The following CELF2 variants were observed in gnomAD, a reference collection of about 807,000 sequenced individuals.
The protein encoded by CELF2 is CUG triplet repeat RNA-binding protein 2.
CELF2 carries 8 observed loss-of-function variants against 62.6 expected under a neutral mutation model. That is an observed-to-expected ratio of 0.13 (90% CI 0.07 to 0.23). CELF2 has a LOEUF of 0.23. CELF2 is among the 10% of genes least tolerant of loss of function. The pLI is 1.00. For synonymous variants in CELF2, 258 were observed against 250.0 expected, an observed-to-expected ratio of 1.03 and a Z score of -0.30; for missense variants, 333 against 671.0, an observed-to-expected ratio of 0.50 and a Z score of 5.56.
At chr10:10,979,443 G>C (rs1387041242) in intron 2 of CELF2, among the ~76,000 whole-genome samples, 4 of 152,164 alleles carry the variant, frequency 2.6e-5, no homozygotes, top group African/African-American at 9.7e-5. Flanking sequence ...GGCCTAGGCC[G>C]GTGGATGGCT....
At chr10:10,591,727 A>T in the CELF2 span, among the ~76,000 whole-genome samples, 1 of 152,212 alleles carries the variant, frequency 6.6e-6, no homozygotes, top group Non-Finnish European at 1.5e-5. Flanking sequence ...ATGAATGGGA[A>T]TCTGTGGCAA....
chr10:10,670,589 T>C, the CELF2 span, among the ~76,000 whole-genome samples: 2 of 152,178 alleles, frequency 1.3e-5, no homozygotes, highest in Non-Finnish European at 2.9e-5. Context: ...TGAACCTAGA[T>C]TGACACATCA....
the CELF2 span, among the ~76,000 whole-genome samples, chr10:10,472,802 T>C: frequency 4.6e-5 from 7 of 152,160 alleles, no homozygotes; most frequent in South Asian, 1.0e-3. Context: ...TCTGTTCATA[T>C]AGCTCACAAA....
intron 1 of CELF2, among the ~76,000 whole-genome samples, chr10:11,066,325 T>TG (rs1389874957): frequency 6.6e-6 from 1 of 152,122 alleles, no homozygotes; most frequent in Non-Finnish European, 1.5e-5. Context: ...AGCTCATACT[T>TG]GCTATGGTGG....
At chr10:11,045,615 T>C (rs1381157436) in intron 1 of CELF2, among the ~76,000 whole-genome samples, 1 of 152,230 alleles carries the variant, frequency 6.6e-6, no homozygotes, top group East Asian at 1.9e-4. Flanking sequence ...CCATGTGTGA[T>C]GAAATATTCT....
At position 11,329,091 on chromosome 10, in the gene CELF2, T is replaced by C. The variant is rs780897723; in HGVS notation, c.*38T>C. The C allele has an allele frequency of 1.9e-6, 3 of 1,578,820 alleles. No homozygotes were observed. The highest frequency in any genetic ancestry group is 2.3e-5 in the South Asian group (2 of 88,336). ...AGGCTCCCTGCTCTCATTTTAGCTT[T>C]CTTAGGGTAAGTCCCACGAGCCAGC... On this transcript the variant is annotated 3_prime_UTR_variant, in exon 13 of 13. Transcript: ENST00000633077. The surrounding 1 kb of genome is among the most constrained non-coding windows in gnomAD (Gnocchi z 5.5).
At chr10:11,209,347 A>G (rs913725611) in intron 2 of CELF2, among the ~76,000 whole-genome samples, 2 of 151,456 alleles carry the variant, frequency 1.3e-5, no homozygotes, top group Non-Finnish European at 2.9e-5. Context: ...ACGGGCCCAG[A>G]GTCGGTCATA....
chr10:10,605,914 G>A, the CELF2 span, among the ~76,000 whole-genome samples: 2 of 152,192 alleles, frequency 1.3e-5, no homozygotes, highest in South Asian at 2.1e-4. Flanking sequence ...CTGTAATCAC[G>A]AGCCAAGAAG....
At chr10:10,691,121 G>A in the CELF2 span, among the ~76,000 whole-genome samples, 3 of 151,744 alleles carry the variant, frequency 2.0e-5, no homozygotes, top group Non-Finnish European at 4.4e-5. Context: ...TCGTCATCTA[G>A]CATTAGGTAT....
At chr10:10,950,467 G>T (rs912723421) in intron 2 of CELF2, among the ~76,000 whole-genome samples, 7 of 152,210 alleles carry the variant, frequency 4.6e-5, no homozygotes, top group South Asian at 2.1e-4. Flanking sequence ...GCAGGAGGAA[G>T]TGATACCGTT....
chr10:10,949,353 T>G (rs1198592193), intron 2 of CELF2, among the ~76,000 whole-genome samples: 1 of 152,126 alleles, frequency 6.6e-6, no homozygotes, highest in Non-Finnish European at 1.5e-5. Flanking sequence ...GCTGTGCCTC[T>G]AGTGATCTCC....
chr10:10,779,124 G>C, the CELF2 span, among the ~76,000 whole-genome samples: 8 of 152,166 alleles, frequency 5.3e-5, no homozygotes, highest in Non-Finnish European at 1.0e-4. Flanking sequence ...TCCTTATACT[G>C]TATCATCTCT....
chr10:10,996,625 G>T (rs1227653907), intron 2 of CELF2, among the ~76,000 whole-genome samples: 5 of 152,166 alleles, frequency 3.3e-5, no homozygotes, highest in Non-Finnish European at 5.9e-5. Flanking sequence ...TCATAACTTT[G>T]TATGTATATA....
rs1438378448 is a variant in CELF2 at position 10,997,934 on chromosome 10, C to T, written c.89+77935C>T. Among the ~76,000 whole-genome samples, 1 of 152,064 alleles carries T rather than the reference C, an allele frequency of 6.6e-6. No individual in the cohort carries two copies. The highest frequency in any genetic ancestry group is 2.4e-5 in the African/African-American group (1 of 41,382). ...AATCCCCACGTGTCATGGGAGGGACCCGGTGGGAGGTAATTGAATCATGGA... is the reference window on the plus strand; with the variant it reads ...AATCCCCACGTGTCATGGGAGGGACTCGGTGGGAGGTAATTGAATCATGGA... On this transcript the variant is annotated intron_variant, in intron 2 of 13. Coordinates refer to the CELF2 transcript ENST00000636488. This position sits in a 1 kb window ranked among gnomAD's most constrained non-coding sequence, Gnocchi z 5.3.
rs747561682 is a variant in CELF2, at chr10:11,217,064, G to A, written c.272-361G>A. The stretch of plus-strand genomic sequence containing the variant: ...TTTAAGAAAATTATAATTAATGTAA[G>A]CTTGTGCTGTTGTTATTGTGATTAA... On this transcript the variant is annotated intron_variant, in intron 2 of 12. Transcript: ENST00000633077. This position sits in a 1 kb window ranked among gnomAD's most constrained non-coding sequence, Gnocchi z 5.6. Among the ~76,000 whole-genome samples the A allele has an allele frequency of 6.6e-6, 1 of 152,196 alleles. No individual in the cohort carries two copies. Among genetic ancestry groups the A allele is most frequent in the Non-Finnish European group, 1.5e-5 (1 of 68,026 alleles).
intron 1 of CELF2, among the ~76,000 whole-genome samples, chr10:10,916,296 G>C (rs2064313242): frequency 6.6e-6 from 1 of 152,200 alleles, no homozygotes. Context: ...GTCAAATACA[G>C]TGGGGTGTTT....
intron 3 of CELF2, among the ~76,000 whole-genome samples, chr10:11,240,869 A>G (rs994017713): frequency 3.9e-5 from 6 of 152,178 alleles, no homozygotes; most frequent in Non-Finnish European, 8.8e-5. Context: ...TTTACACCAC[A>G]ACTGTGTGGA....
intron 1 of CELF2, among the ~76,000 whole-genome samples, chr10:10,907,570 G>A (rs572928290): frequency 2.0e-4 from 30 of 152,028 alleles, no homozygotes; most frequent in Non-Finnish European, 1.3e-4. Context: ...CATGAGATGA[G>A]GTATCATTTT....
At position 11,297,463 on chromosome 10, in the gene CELF2, G is replaced by T. The variant is rs764332067; in HGVS notation, c.976+8911G>T. ...TGCTTGTGGAACAGAGGGACCAGGG[G>T]ATGGAAAGGGAGCTTTCTGGGTAGC... On this transcript the variant is annotated intron_variant, in intron 9 of 12. Coordinates refer to ENST00000633077, the MANE Select transcript of CELF2 (RefSeq NM_001326342.2). The surrounding 1 kb of genome is among the most constrained non-coding windows in gnomAD (Gnocchi z 4.4). Among the ~76,000 whole-genome samples, 1 of 152,066 alleles carries T rather than the reference G, an allele frequency of 6.6e-6. No homozygotes were observed. The highest frequency in any genetic ancestry group is 1.5e-5 in the Non-Finnish European group (1 of 68,012).
Sources: allele counts gnomAD v4.1 joint callset (sites outside exome capture counted in the v4.1 genomes callset), GRCh38; gene constraint gnomAD v4.1.1; non-coding constraint Gnocchi (gnomAD v3.1); transcripts MANE v1.5; gene names NCBI Gene and HGNC (gene_info 2026-07-23, HGNC 2026-07-21).